RANBP17: variants seen among roughly 807,000 people sequenced by gnomAD.
RANBP17 encodes RAN binding protein 17.
Under a neutral mutation model 141.2 loss-of-function variants are expected in RANBP17, and 158 were observed. That is an observed-to-expected ratio of 1.12 (90% CI 0.98 to 1.28). RANBP17 has a LOEUF of 1.28. Among genes scored for constraint, RANBP17 ranks in the 50% most tolerant of loss-of-function variants. RANBP17 has a pLI of 0.00. For missense variants in RANBP17, 1,438 were observed against 1,290.7 expected, an observed-to-expected ratio of 1.11 and a Z score of -1.75; for synonymous variants, 430 against 450.0, an observed-to-expected ratio of 0.96 and a Z score of 0.56.
At chr5:170,968,065 A>G (rs1270898595) in intron 13 of RANBP17, among the ~76,000 whole-genome samples, 177 bp from the exon 14 acceptor site, 2 of 151,956 alleles carry the variant, frequency 1.3e-5, no homozygotes, top group African/African-American at 2.4e-5. Context: ...TAGACCAAGT[A>G]GTAATATCTC....
chr5:171,220,567 G>A (rs1763495662), intron 21 of RANBP17, among the ~76,000 whole-genome samples: 1 of 148,614 alleles, frequency 6.7e-6, no homozygotes, highest in African/African-American at 2.5e-5. Context: ...TCCTGCCTCA[G>A]CCTCCTGAAT....
intron 14 of RANBP17, among the ~76,000 whole-genome samples, chr5:171,165,045 C>G (rs1759584021): frequency 6.6e-6 from 1 of 152,190 alleles, no homozygotes; most frequent in Non-Finnish European, 1.5e-5. Flanking sequence ...TACCTGACCA[C>G]TTCAGCACCT....
chr5:171,142,353 C>A (rs1489843445), intron 14 of RANBP17, among the ~76,000 whole-genome samples: 1 of 152,134 alleles, frequency 6.6e-6, no homozygotes, highest in Non-Finnish European at 1.5e-5. Context: ...TAGAGTACAA[C>A]TATACAGCTC....
intron 26 of RANBP17, among the ~76,000 whole-genome samples, chr5:171,294,342 C>G (rs1421908486): frequency 6.6e-6 from 1 of 152,100 alleles, no homozygotes. Context: ...ATCTGAGATC[C>G]CCACTGCCCT....
At chr5:170,909,199 C>T (rs763965494) in intron 5 of RANBP17, among the ~76,000 whole-genome samples, 4 of 151,752 alleles carry the variant, frequency 2.6e-5, no homozygotes, top group African/African-American at 4.8e-5. Context: ...GGTTTCTTTT[C>T]GTAGTATCAA....
At chr5:171,035,729 C>CTTTTTTTTTTTT (rs1781831017) in intron 14 of RANBP17, among the ~76,000 whole-genome samples, 1 of 72,394 alleles carries the variant, frequency 1.4e-5, no homozygotes, top group African/African-American at 5.2e-5. Flanking sequence ...CTGTTTGTTT[C>CTTTTTTTTTTTT]TTTTTTTGTT....
chr5:171,122,038 T>G (rs1756074708), intron 14 of RANBP17, among the ~76,000 whole-genome samples: 1 of 152,180 alleles, frequency 6.6e-6, no homozygotes, highest in African/African-American at 2.4e-5. Context: ...TGCCATTGTT[T>G]TTGGTGGCAT....
intron 14 of RANBP17, among the ~76,000 whole-genome samples, chr5:171,070,995 C>T (rs1784599248): frequency 2.0e-5 from 3 of 151,984 alleles, no homozygotes; most frequent in Non-Finnish European, 4.4e-5. Context: ...CATAACTGTT[C>T]TGCAAGTATA....
chr5:171,058,950 T>C (rs1211469137), intron 14 of RANBP17, among the ~76,000 whole-genome samples: 5 of 152,152 alleles, frequency 3.3e-5, no homozygotes, highest in Non-Finnish European at 5.9e-5. Context: ...TTTGGCTGCA[T>C]AAATGTCTTC....
intron 14 of RANBP17, among the ~76,000 whole-genome samples, chr5:171,074,643 A>G (rs934901255): frequency 2.6e-5 from 4 of 152,192 alleles, no homozygotes; most frequent in Admixed American, 2.6e-4. Context: ...TTATTTAATA[A>G]AGGTACATTC....
At chr5:171,082,876 C>A (rs1358570860) in intron 14 of RANBP17, among the ~76,000 whole-genome samples, 2 of 115,010 alleles carry the variant, frequency 1.7e-5, no homozygotes, top group Non-Finnish European at 3.9e-5. Flanking sequence ...TCAGATGTAA[C>A]CTCTTTAAAG....
chr5:171,291,559 AT>A (rs1768496490), intron 25 of RANBP17, among the ~76,000 whole-genome samples: 1 of 152,140 alleles, frequency 6.6e-6, no homozygotes, highest in African/African-American at 2.4e-5. Flanking sequence ...TCCTTTTAGT[AT>A]TCCTGTATTT....
intron 12 of RANBP17, among the ~76,000 whole-genome samples, chr5:170,952,960 A>G (rs772582453): frequency 6.6e-6 from 1 of 152,092 alleles, no homozygotes; most frequent in Non-Finnish European, 1.5e-5. Flanking sequence ...AGATGTTGCC[A>G]TTTGTGCCAC....
chr5:171,038,724 A>G (rs566560101), intron 14 of RANBP17, among the ~76,000 whole-genome samples: 78 of 152,164 alleles, frequency 5.1e-4, no homozygotes, highest in African/African-American at 1.6e-3. Context: ...AGTTTTTTCC[A>G]CATCTATTGA....
intron 14 of RANBP17, among the ~76,000 whole-genome samples, chr5:171,124,389 T>C (rs2127778145): frequency 6.6e-6 from 1 of 152,230 alleles, no homozygotes; most frequent in East Asian, 1.9e-4. Flanking sequence ...TACCCTAATT[T>C]TGTTAATTTT....
intron 14 of RANBP17, among the ~76,000 whole-genome samples, chr5:171,044,747 G>C (rs1476248024): frequency 6.6e-6 from 1 of 152,068 alleles, no homozygotes; most frequent in Non-Finnish European, 1.5e-5. Context: ...GGTTTACCCA[G>C]TTTGATTTGA....
intron 27 of RANBP17, among the ~76,000 whole-genome samples, chr5:171,298,200 T>C (rs1486384233): frequency 6.6e-6 from 1 of 152,122 alleles, no homozygotes; most frequent in East Asian, 1.9e-4. Flanking sequence ...ACTACTCATA[T>C]TAGGTACCAA....
rs186314503 is a variant in RANBP17, at chr5:171,040,803, C to T, written c.1710+72426C>T. 1.3e-3 allele frequency among the ~76,000 whole-genome samples: 201 copies of T among 152,250 alleles called. 1 individual carries two copies. Among genetic ancestry groups the T allele is most frequent in the African/African-American group, 4.7e-3 (195 of 41,564 alleles). ...AACTAGTGAAGAAGGAATTCTTCCT[C>T]GCTGCATTCTGCATTAGTTATCTAT... On this transcript the variant is annotated intron_variant, in intron 14 of 27. Transcript: ENST00000523189.
chr5:170,924,442 GA>G lies in RANBP17; in HGVS notation c.1364del (p.Lys455ArgfsTer27). 6.2e-7 allele frequency: 1 copy of G among 1,613,504 alleles called. No homozygotes were observed. Among genetic ancestry groups the G allele is most frequent in the African/African-American group, 1.3e-5 (1 of 75,022 alleles). On this transcript the variant is annotated frameshift_variant, in exon 12 of 28. Transcript: ENST00000523189. LOFTEE classifies it high-confidence loss of function. ...QLCTVSRCEYEKTCALLVQLF... is the reference protein window; with the variant it reads ...QLCTVSRCEYXKTCALLVQLF... ...GTGCACGGTCAGCAGATGTGAATAT[GA>G]AAAGACATGTGCTCTTCTTGTGCAG...
Sources: gnomAD v4.1 joint callset for allele counts (sites outside exome capture counted in the v4.1 genomes callset) on GRCh38, gnomAD v4.1.1 for gene constraint, MANE v1.5 for transcripts, NCBI Gene and HGNC (gene_info 2026-07-23, HGNC 2026-07-21) for gene names.